PRKD1: variants seen among roughly 807,000 people sequenced by gnomAD.
PRKD1 encodes the protein serine/threonine-protein kinase D1.
A neutral mutation model predicts 95.9 loss-of-function variants in PRKD1; 63 were observed. That is an observed-to-expected ratio of 0.66 (90% CI 0.54 to 0.81). PRKD1 has a LOEUF of 0.81. PRKD1 is among the 30% of genes least tolerant of loss of function. PRKD1 has a pLI of 0.00. For missense variants in PRKD1, 1,048 were observed against 1,165.3 expected (o/e 0.90, Z 1.47); for synonymous variants, 425 against 423.1 (o/e 1.00, Z -0.05).
intron 16 of PRKD1, among the ~76,000 whole-genome samples, chr14:29,582,370 T>C (rs1892781160): frequency 6.6e-6 from 1 of 151,136 alleles, no homozygotes; most frequent in Non-Finnish European, 1.5e-5. Flanking sequence ...TTTATCGAGC[T>C]TCTTGTTGAA....
At chr14:29,586,338 A>G (rs749873647) in intron 16 of PRKD1, among the ~76,000 whole-genome samples, 18 of 152,198 alleles carry the variant, frequency 1.2e-4, no homozygotes, top group Non-Finnish European at 1.6e-4. Context: ...TACACAAATA[A>G]TTTCCCAAAT....
At chr14:29,629,892 A>G (rs573317379) in intron 10 of PRKD1, among the ~76,000 whole-genome samples, 1 of 152,166 alleles carries the variant, frequency 6.6e-6, no homozygotes, top group East Asian at 1.9e-4. Context: ...TTTGCAAATA[A>G]CAAGACTTGC....
intron 1 of PRKD1, among the ~76,000 whole-genome samples, chr14:29,895,204 C>A (rs1894080413): frequency 6.6e-6 from 1 of 152,088 alleles, no homozygotes; most frequent in African/African-American, 2.4e-5. Flanking sequence ...GTAATCTCAG[C>A]TACTCAAGAA....
At chr14:29,884,113 A>G (rs1893611423) in intron 1 of PRKD1, among the ~76,000 whole-genome samples, 1 of 152,230 alleles carries the variant, frequency 6.6e-6, no homozygotes. Flanking sequence ...AAAAGTTTGT[A>G]CATAAATACA....
At chr14:29,600,221 C>A (rs1350253605) in intron 13 of PRKD1, among the ~76,000 whole-genome samples, 2 of 152,094 alleles carry the variant, frequency 1.3e-5, no homozygotes, top group African/African-American at 2.4e-5. Context: ...GAAATTCATA[C>A]ATGTAGTGCA....
At chr14:29,805,199 T>C (rs983066635) in intron 1 of PRKD1, among the ~76,000 whole-genome samples, 2 of 152,234 alleles carry the variant, frequency 1.3e-5, no homozygotes, top group Admixed American at 1.3e-4. Context: ...AGTAAGCAGG[T>C]GACACCTGCA....
At chr14:29,827,950 T>C (rs1422826045) in intron 1 of PRKD1, among the ~76,000 whole-genome samples, 1 of 152,106 alleles carries the variant, frequency 6.6e-6, no homozygotes, top group Non-Finnish European at 1.5e-5. Flanking sequence ...CCTCATTTCT[T>C]TTCCACCTGC....
chr14:29,602,264 G>T (rs1437225881), intron 13 of PRKD1, among the ~76,000 whole-genome samples: 1 of 152,136 alleles, frequency 6.6e-6, no homozygotes, highest in African/African-American at 2.4e-5. Flanking sequence ...GCCCAGGGAG[G>T]GCAGGGGTCA....
chr14:29,777,240 C>T (rs1169067728), intron 1 of PRKD1, among the ~76,000 whole-genome samples: 1 of 152,164 alleles, frequency 6.6e-6, no homozygotes, highest in Non-Finnish European at 1.5e-5. Context: ...CATCAACTAA[C>T]AAGCAAAATA....
intron 16 of PRKD1, among the ~76,000 whole-genome samples, chr14:29,589,026 C>T (rs75194553): frequency 0.024 from 3,663 of 152,084 alleles, 141 homozygotes; most frequent in African/African-American, 0.081. Context: ...GAGACAATTT[C>T]CGAGGCTGCC....
At chr14:29,889,222 G>C (rs113322391) in intron 1 of PRKD1, among the ~76,000 whole-genome samples, 1,555 of 152,302 alleles carry the variant, frequency 0.01, 21 homozygotes, top group African/African-American at 0.036. Flanking sequence ...ACTCCACTCA[G>C]TTGTCACCTC....
At position 29,814,054 on chromosome 14, in the gene PRKD1, G is replaced by A. The variant is rs559158691; in HGVS notation, c.265-88380C>T. ...GGTATTCAAAATATATTTGTTGAAT[G>A]AAAGACTGAATTAATGAATGGATAT... On this transcript the variant is annotated intron_variant, in intron 1 of 17. Transcript: ENST00000331968. Among the ~76,000 whole-genome samples, 4 of 152,324 alleles carry A rather than the reference G, an allele frequency of 2.6e-5. No homozygotes were observed. The East Asian group carries it at 5.8e-4, about 22-fold the overall frequency.
chr14:29,770,253 G>T (rs1047151317), intron 1 of PRKD1, among the ~76,000 whole-genome samples: 2 of 152,200 alleles, frequency 1.3e-5, no homozygotes, highest in African/African-American at 2.4e-5. Flanking sequence ...TACAGATATT[G>T]GTACCAAGAA....
At chr14:29,765,190 A>G (rs1283609361) in intron 1 of PRKD1, among the ~76,000 whole-genome samples, 1 of 152,206 alleles carries the variant, frequency 6.6e-6, no homozygotes, top group Non-Finnish European at 1.5e-5. Context: ...TATCCAGAAG[A>G]TAACAACAAA....
chr14:29,852,535 GGA>G (rs34211278), intron 1 of PRKD1, among the ~76,000 whole-genome samples: 13 of 149,114 alleles, frequency 8.7e-5, no homozygotes, highest in Non-Finnish European at 1.0e-4. Flanking sequence ...ACCAGAAGGA[GGA>G]GAGAGAGAGA....
At chr14:29,769,468 G>A (rs1446782559) in intron 1 of PRKD1, among the ~76,000 whole-genome samples, 1 of 152,102 alleles carries the variant, frequency 6.6e-6, no homozygotes, top group Admixed American at 6.6e-5. Flanking sequence ...GACGGAGGCA[G>A]AAGGATCACT....
chr14:29,819,582 C>T (rs559225274), intron 1 of PRKD1, among the ~76,000 whole-genome samples: 9 of 151,964 alleles, frequency 5.9e-5, no homozygotes, highest in East Asian at 1.9e-4. Flanking sequence ...CCCAGCTACT[C>T]GGGAGGCTGA....
chr14:29,635,196 C>T (rs1451233790), intron 7 of PRKD1, among the ~76,000 whole-genome samples: 1 of 152,100 alleles, frequency 6.6e-6, no homozygotes, highest in Non-Finnish European at 1.5e-5. Flanking sequence ...TATTTATTTC[C>T]TATTATAGGT....
chr14:29,700,988 G>GCGCACACA (rs140824053), intron 2 of PRKD1, among the ~76,000 whole-genome samples: 3 of 90,568 alleles, frequency 3.3e-5, no homozygotes, highest in East Asian at 2.3e-4. Flanking sequence ...GCGCGCGCGC[G>GCGCACACA]CACACACACA....
Sources: gnomAD v4.1 joint callset for allele counts (sites outside exome capture counted in the v4.1 genomes callset) on GRCh38, gnomAD v4.1.1 for gene constraint, MANE v1.5 for transcripts, NCBI Gene and HGNC (gene_info 2026-07-23, HGNC 2026-07-21) for gene names.